Variants in PHF21A observed in about 807,000 individuals in gnomAD.
PHF21A encodes the protein BHC80a.
In PHF21A, 11 loss-of-function variants were observed where a neutral mutation model predicts 82.5. That is an observed-to-expected ratio of 0.13 (90% CI 0.08 to 0.22). The LOEUF is 0.22. Ranked by LOEUF, PHF21A falls within the 10% of genes least tolerant of loss-of-function variation. The pLI, the probability that PHF21A is intolerant of heterozygous loss-of-function variation, is 1.00. For missense variants in PHF21A, 579 were observed against 837.8 expected (o/e 0.69, Z 3.81); for synonymous variants, 297 against 302.8 (o/e 0.98, Z 0.20).
At chr11:46,028,783 A>T (rs1435758215) in intron 6 of PHF21A, among the ~76,000 whole-genome samples, 3 of 151,740 alleles carry the variant, frequency 2.0e-5, no homozygotes, top group Non-Finnish European at 4.4e-5. Context: ...CATGTTGGTC[A>T]GGCTAGTTTC....
Position 45,998,978 on chromosome 11 carries a change from C to T in PHF21A, c.154-19012G>A, listed in dbSNP as rs1251838896. Reference sequence around the variant, plus strand: ...AATAGCTGGGATTACAGGCACCTGCCACCACGCCTGGCTAATTTTTATATT... The same window carrying T: ...AATAGCTGGGATTACAGGCACCTGCTACCACGCCTGGCTAATTTTTATATT... On this transcript the variant is annotated intron_variant, in intron 6 of 18. Transcript: ENST00000676320. Among the ~76,000 whole-genome samples, 3 of 152,052 alleles carry T rather than the reference C, an allele frequency of 2.0e-5. 1 individual carries two copies. Among genetic ancestry groups the T allele is most frequent in the Non-Finnish European group, 4.4e-5 (3 of 68,018 alleles).
intron 13 of PHF21A, 100 bp from the exon 14 acceptor site, chr11:45,949,046 C>T (rs570137680): frequency 1.3e-4 from 124 of 925,718 alleles, no homozygotes; most frequent in South Asian, 5.2e-5. Flanking sequence ...GTCAACATGC[C>T]GACTAGTTAG....
intron 6 of PHF21A, among the ~76,000 whole-genome samples, chr11:46,031,663 T>C (rs546118994): frequency 2.0e-4 from 31 of 152,344 alleles, no homozygotes; most frequent in Middle Eastern, 3.4e-3. Flanking sequence ...TTTAGATTAA[T>C]AGGCGCTCCG....
chr11:45,934,412 G>C (rs1289184434), intron 18 of PHF21A, 187 bp from the exon 19 acceptor site: 1 of 575,588 alleles, frequency 1.7e-6, no homozygotes, highest in Admixed American at 3.2e-5. Flanking sequence ...AGGGCGGGTG[G>C]AGTGGGTAGG....
At chr11:45,939,961 C>G (rs960349012) in intron 15 of PHF21A, among the ~76,000 whole-genome samples, 3 of 151,884 alleles carry the variant, frequency 2.0e-5, no homozygotes, top group Admixed American at 1.3e-4. Context: ...GGCTATTCTG[C>G]CAGAAGGTCT....
At chr11:46,062,217 G>A (rs2096543954) in intron 6 of PHF21A, among the ~76,000 whole-genome samples, 2 of 151,968 alleles carry the variant, frequency 1.3e-5, no homozygotes, top group Admixed American at 6.6e-5. Context: ...GCACTCAGTG[G>A]ATTCTATTAA....
Position 46,050,185 on chromosome 11 carries a change from T to A in PHF21A, c.153+26569A>T, listed in dbSNP as rs143521159. Among the ~76,000 whole-genome samples the A allele has an allele frequency of 2.5e-4, 38 of 152,378 alleles. 1 individual carries two copies. The East Asian group carries it at 7.3e-3, about 29-fold the overall frequency. On this transcript the variant is annotated intron_variant, in intron 6 of 18. Transcript: ENST00000676320. ...GACATTTGCCTCCTTTTTTCCCCCC[T>A]TAATTTGGCCTAGGCCAAAGCTACA...
At chr11:46,038,186 G>A (rs2096056579) in intron 6 of PHF21A, among the ~76,000 whole-genome samples, 1 of 151,546 alleles carries the variant, frequency 6.6e-6, no homozygotes, top group Admixed American at 6.6e-5. Context: ...GAGTGCAGTG[G>A]CACAATCTCA....
chr11:45,996,682 AGT>A (rs1444231705), intron 6 of PHF21A, among the ~76,000 whole-genome samples: 3 of 152,238 alleles, frequency 2.0e-5, no homozygotes, highest in Admixed American at 1.3e-4. Context: ...CAATTTTGAA[AGT>A]AGGTGTTGGC....
At position 45,971,218 on chromosome 11, in the gene PHF21A, G is replaced by A; in HGVS notation, c.510C>T (p.Ser170=). 6.2e-7 allele frequency: 1 copy of A among 1,614,206 alleles called. No homozygotes were observed. Among genetic ancestry groups the A allele is most frequent in the Non-Finnish European group, 8.5e-7 (1 of 1,180,032 alleles). Residue 170 remains serine, a synonymous_variant, in exon 8 of 19, where the codon AGC becomes AGT. Transcript: ENST00000676320. The stretch of plus-strand genomic sequence containing the variant: ...TGACTGGTGTGTTCTGCACATCAGT[G>A]CTGAGCACAGCCTTCTGACTGTTGA... ...TAINSQKAVL[S]TDVQNTPVNL...
At position 46,084,159 on chromosome 11, in the gene PHF21A, A is replaced by G; in HGVS notation, c.54+7T>C. The stretch of plus-strand genomic sequence containing the variant: ...ACAGTGTGGGAGAAGCCAATAATAC[A>G]ACTTACCTGGTGAACCTGAATTTCC... On this transcript the variant is annotated splice_region_variant and intron_variant, in intron 4 of 18. Coordinates refer to ENST00000676320, the MANE Select transcript of PHF21A (RefSeq NM_001352027.3). 2 of 1,594,274 alleles carry G rather than the reference A, an allele frequency of 1.3e-6. No homozygotes were observed. Among genetic ancestry groups the G allele is most frequent in the Middle Eastern group, 1.7e-4 (1 of 6,020 alleles).
intron 6 of PHF21A, among the ~76,000 whole-genome samples, chr11:46,014,542 C>A (rs969698333): frequency 1.3e-5 from 2 of 152,206 alleles, no homozygotes; most frequent in African/African-American, 4.8e-5. Context: ...AATGGGATTG[C>A]TGGGTCAAAT....
intron 6 of PHF21A, among the ~76,000 whole-genome samples, chr11:46,030,843 G>GTA (rs1330852480): frequency 5.8e-4 from 70 of 121,146 alleles, no homozygotes; most frequent in Non-Finnish European, 7.6e-4. Context: ...GTGTGTGTGT[G>GTA]TGTGTGTGTG....
chr11:45,933,761 G>T lies in PHF21A; in HGVS notation c.*207C>A. 1 of 446,574 alleles carries T rather than the reference G, an allele frequency of 2.2e-6. No individual in the cohort carries two copies. The allele number at this position is 446,574 out of a possible 1,614,324, so 27.7% of individuals were successfully genotyped here. A position where few individuals can be genotyped will look rare whatever the true frequency, so the allele number is the denominator to read the frequency against. ...CAGCTGGCACTATTTCATGTAACAT[G>T]GTCCAATCTTTGCATGTACACACAG... is the stretch of plus-strand genomic sequence containing the variant. On this transcript the variant is annotated 3_prime_UTR_variant, in exon 19 of 19. Transcript: ENST00000676320.
chr11:46,009,020 G>A (rs1194198669), intron 6 of PHF21A, among the ~76,000 whole-genome samples: 4 of 128,850 alleles, frequency 3.1e-5, no homozygotes, highest in African/African-American at 6.0e-5. Context: ...TGTCGCTCAC[G>A]CTGGAGTGCA....
At chr11:46,118,342 C>T (rs1851966125) in intron 1 of PHF21A, among the ~76,000 whole-genome samples, 1 of 149,726 alleles carries the variant, frequency 6.7e-6, no homozygotes. Context: ...AAGCAAAACA[C>T]TTTATTATGG....
intron 7 of PHF21A, among the ~76,000 whole-genome samples, chr11:45,978,195 G>C (rs1310063705): frequency 6.6e-6 from 1 of 152,146 alleles, no homozygotes; most frequent in East Asian, 1.9e-4. Flanking sequence ...AGCTACTCAG[G>C]AGGCTGAGGC....
At chr11:46,007,078 T>C (rs1332905378) in intron 6 of PHF21A, among the ~76,000 whole-genome samples, 3 of 152,206 alleles carry the variant, frequency 2.0e-5, no homozygotes, top group African/African-American at 7.2e-5. Context: ...CACTTAAATA[T>C]AGAGTGACTA....
intron 7 of PHF21A, 85 bp from the exon 8 acceptor site, chr11:45,971,452 C>T (rs945547189): frequency 6.4e-6 from 8 of 1,240,340 alleles, no homozygotes; most frequent in Non-Finnish European, 7.8e-6. Context: ...TGCTGCTTAA[C>T]CTTGGAAGAA....
Sources: gnomAD v4.1 joint callset for allele counts (sites outside exome capture counted in the v4.1 genomes callset) on GRCh38, gnomAD v4.1.1 for gene constraint, MANE v1.5 for transcripts, NCBI Gene and HGNC (gene_info 2026-07-23, HGNC 2026-07-21) for gene names.